The following TNPO1 variants were observed in gnomAD, a reference collection of about 807,000 sequenced individuals.
The protein encoded by TNPO1 is transportin-1.
Under a neutral mutation model 119.5 loss-of-function variants are expected in TNPO1, and 8 were observed. The ratio of observed to expected loss-of-function variants is 0.07; its 90% CI spans 0.04 to 0.12. The LOEUF (loss-of-function observed/expected upper bound fraction) is 0.12. Among genes scored for constraint, TNPO1 ranks in the 10% least tolerant of loss-of-function variants. TNPO1 has a pLI of 1.00. For missense variants in TNPO1, 576 were observed against 1,089.8 expected, an observed-to-expected ratio of 0.53 and a Z score of 6.64; for synonymous variants, 362 against 363.0, an observed-to-expected ratio of 1.00 and a Z score of 0.03.
chr5:72,817,908 A>G (rs1289878081), intron 1 of TNPO1, among the ~76,000 whole-genome samples: 2 of 152,230 alleles, frequency 1.3e-5, no homozygotes, highest in Non-Finnish European at 2.9e-5. Context: ...AAAAGGGGAA[A>G]GTTCCGTTTT....
At position 72,911,406 on chromosome 5, in the gene TNPO1, A is replaced by G. The variant is rs1011494268; in HGVS notation, c.*2733A>G. 9 of 152,284 alleles carry G rather than the reference A, an allele frequency of 5.9e-5. No homozygotes were observed. The highest frequency in any genetic ancestry group is 1.0e-4 in the Non-Finnish European group (7 of 67,896). 9.4% of individuals were successfully genotyped at this position (152,284 alleles called of 1,614,324 possible). A position where few individuals can be genotyped will look rare whatever the true frequency, so the allele number is the denominator to read the frequency against. On this transcript the variant is annotated 3_prime_UTR_variant, in exon 25 of 25. Transcript: ENST00000337273. Reference sequence around the variant, plus strand: ...ACTGGCAACCTGAATTTGAGTTGGGATTCTTTGTGTATTTTTCCCCCTTGA... The same window carrying G: ...ACTGGCAACCTGAATTTGAGTTGGGGTTCTTTGTGTATTTTTCCCCCTTGA...
chr5:72,837,840 T>C (rs1458890832), intron 1 of TNPO1, among the ~76,000 whole-genome samples: 1 of 152,134 alleles, frequency 6.6e-6, no homozygotes, highest in African/African-American at 2.4e-5. Context: ...TGGACAATTT[T>C]CCTAAAAAAG....
intron 14 of TNPO1, among the ~76,000 whole-genome samples, chr5:72,891,283 G>A (rs959599627): frequency 3.9e-5 from 6 of 152,062 alleles, no homozygotes; most frequent in East Asian, 3.9e-4. Flanking sequence ...TGGCTAACAC[G>A]GTGAAACCCT....
rs973116960 is a variant in TNPO1 at position 72,823,705 on chromosome 5, G to C, written c.15+6953G>C. On this transcript the variant is annotated intron_variant, in intron 1 of 24. Transcript: ENST00000337273. ...CTTTGGATCCCTTTCCTTGCTCTTTGCTTGTTTGGCAAAACCAGAGCTCTA... is the reference window on the plus strand; with the variant it reads ...CTTTGGATCCCTTTCCTTGCTCTTTCCTTGTTTGGCAAAACCAGAGCTCTA... Among the ~76,000 whole-genome samples the C allele has an allele frequency of 2.0e-5, 3 of 151,806 alleles. No individual in the cohort carries two copies. In the South Asian group the frequency reaches 6.2e-4, roughly 32 times the overall value.
In TNPO1 at chr5:72,878,842, C is replaced by G. The variant is rs926719468; in HGVS notation, c.920+1496C>G. On this transcript the variant is annotated intron_variant, in intron 9 of 24. Transcript: ENST00000337273. ...TTTTTTCTTCAAGAGCAGAAATCCG[C>G]TTTTATTTATTGACTTTTCGTTAGT... The G allele has an allele frequency of 1.8e-5, 8 of 437,438 alleles. No homozygotes were observed. The Admixed American group carries it at 2.1e-4, about 12-fold the overall frequency. The allele number at this position is 437,438 out of a possible 1,614,324, so 27.1% of individuals were successfully genotyped here.
chr5:72,855,703 T>G (rs564474269), intron 3 of TNPO1, 71 bp from the exon 4 acceptor site: 1 of 1,326,256 alleles, frequency 7.5e-7, no homozygotes, highest in Admixed American at 2.5e-5. Context: ...TATAAATGTT[T>G]TTAAAACTTA....
intron 6 of TNPO1, chr5:72,871,839 T>TAGTCAGCA: frequency 6.6e-6 from 1 of 152,268 alleles, no homozygotes; most frequent in African/African-American, 2.4e-5. Context: ...TCTAGGCAAG[T>TAGTCAGCA]AGTCAGCAAA....
intron 9 of TNPO1, chr5:72,878,786 C>A: frequency 3.1e-6 from 1 of 318,898 alleles, no homozygotes; most frequent in South Asian, 2.9e-5. Flanking sequence ...GTCATAGATA[C>A]TAATTTTTAT....
chr5:72,896,694 AC>A, intron 19 of TNPO1, 138 bp downstream of exon 19: 1 of 585,932 alleles, frequency 1.7e-6, no homozygotes, highest in South Asian at 2.2e-5. Flanking sequence ...ACATGGTGAA[AC>A]CCCGTCTCTA....
rs34875628 is a variant in TNPO1, at chr5:72,821,193, G to GAAA, written c.15+4444_15+4446dup. ...AGTTAAATTTATACTGAAAATTAGA[G>GAAA]AAAAATTCATATTTGAGTTGCATTT... On this transcript the variant is annotated intron_variant, in intron 1 of 24. Coordinates refer to ENST00000337273, the MANE Select transcript of TNPO1 (RefSeq NM_002270.4). Among the ~76,000 whole-genome samples the GAAA allele has an allele frequency of 3.0e-4, 11 of 36,410 alleles. No individual in the cohort carries two copies. The South Asian group carries it at 0.015, about 49-fold the overall frequency. The allele number at this position is 36,410 out of a possible 152,430, so 23.9% of individuals were successfully genotyped here.
intron 1 of TNPO1, among the ~76,000 whole-genome samples, chr5:72,823,363 CT>C (rs575513977): frequency 6.6e-6 from 1 of 152,312 alleles, no homozygotes; most frequent in South Asian, 2.1e-4. Context: ...TGGCCTCTCA[CT>C]TCCTAGACCT....
At chr5:72,858,762 G>A (rs1322193641) in intron 4 of TNPO1, among the ~76,000 whole-genome samples, 5 of 152,004 alleles carry the variant, frequency 3.3e-5, no homozygotes, top group African/African-American at 7.2e-5. Context: ...GCATGAACCC[G>A]GGAGGCGGAG....
chr5:72,836,229 G>A (rs1258194807), intron 1 of TNPO1, among the ~76,000 whole-genome samples: 1 of 152,232 alleles, frequency 6.6e-6, no homozygotes, highest in Non-Finnish European at 1.5e-5. Flanking sequence ...GCGTGCCCTA[G>A]TGGGGCCTCT....
chr5:72,862,587 A>G (rs1746537683), intron 5 of TNPO1, among the ~76,000 whole-genome samples: 1 of 151,710 alleles, frequency 6.6e-6, no homozygotes, highest in South Asian at 2.1e-4. Context: ...TCAGCCTCCC[A>G]AAGTGCTGGG....
intron 5 of TNPO1, among the ~76,000 whole-genome samples, chr5:72,864,301 A>G (rs954115368): frequency 1.3e-5 from 2 of 152,220 alleles, no homozygotes; most frequent in Admixed American, 6.5e-5. Flanking sequence ...TATAAAATCT[A>G]AAAGGATGTT....
chr5:72,904,345 A>T (rs1034959862), intron 23 of TNPO1, among the ~76,000 whole-genome samples: 1 of 152,230 alleles, frequency 6.6e-6, no homozygotes, highest in African/African-American at 2.4e-5. Context: ...TCTCTACTTT[A>T]TCTTTTCGTT....
At position 72,910,635 on chromosome 5, in the gene TNPO1, T is replaced by C. The variant is rs1163284700; in HGVS notation, c.*1962T>C. 6.6e-6 allele frequency: 1 copy of C among 152,608 alleles called. No individual in the cohort carries two copies. The highest frequency in any genetic ancestry group is 1.9e-4 in the East Asian group (1 of 5,202). 9.5% of individuals were successfully genotyped at this position (152,608 alleles called of 1,614,324 possible). A position where few individuals can be genotyped will look rare whatever the true frequency, so the allele number is the denominator to read the frequency against. On this transcript the variant is annotated 3_prime_UTR_variant, in exon 25 of 25. Coordinates refer to ENST00000337273, the MANE Select transcript of TNPO1 (RefSeq NM_002270.4). The stretch of plus-strand genomic sequence containing the variant: ...TGCAGAATAAATACTGAATAACCAT[T>C]TTTATAAGCAGTTGCTCCTCTTTGC...
chr5:72,839,961 TCC>T lies in TNPO1; in HGVS notation c.16-8423_16-8422del, dbSNP rs1463578297. Among the ~76,000 whole-genome samples the T allele has an allele frequency of 2.0e-3, 301 of 152,320 alleles. 3 individuals carry two copies. Among genetic ancestry groups the T allele is most frequent in the African/African-American group, 7.0e-3 (291 of 41,562 alleles). On this transcript the variant is annotated intron_variant, in intron 1 of 24. Coordinates refer to ENST00000337273, the MANE Select transcript of TNPO1 (RefSeq NM_002270.4). ...AAGTTAAATATCTGGGAGGTGTTAC[TCC>T]TATCAGCCTTTTGTTTTCATTAAAA...
Position 72,861,830 on chromosome 5 carries a change from C to T in TNPO1, c.378C>T (p.Ala126=), listed in dbSNP as rs1177351741. ...AAGGTATTTTGATCACAACTATAGC[C>T]TCCAAGGGAGAATTGCAGAATTGGC... ...ATVGILITTI[A]SKGELQNWPD... Residue 126 remains alanine, a synonymous_variant, in exon 5 of 25, where the codon GCC becomes GCT. Transcript: ENST00000337273. 4 of 1,613,814 alleles carry T rather than the reference C, an allele frequency of 2.5e-6. No homozygotes were observed. The highest frequency in any genetic ancestry group is 1.1e-5 in the South Asian group (1 of 91,082).
Sources: gnomAD v4.1 joint callset for allele counts (sites outside exome capture counted in the v4.1 genomes callset) on GRCh38, gnomAD v4.1.1 for gene constraint, MANE v1.5 for transcripts, NCBI Gene and HGNC (gene_info 2026-07-23, HGNC 2026-07-21) for gene names.